Variants in RALYL observed in about 807,000 individuals in gnomAD.
RALYL encodes RALY RNA binding protein like.
A neutral mutation model predicts 35.1 loss-of-function variants in RALYL; 29 were observed. The ratio of observed to expected loss-of-function variants is 0.83; its 90% CI spans 0.61 to 1.13. The LOEUF (loss-of-function observed/expected upper bound fraction) is 1.13, where lower values mean the gene tolerates loss of function less well. RALYL is among the 50% of genes most tolerant of loss of function. The probability of loss-of-function intolerance (pLI) is 0.00; values close to 1 mark genes in which losing one functional copy is unlikely to be tolerated. For synonymous variants in RALYL, 120 were observed against 127.6 expected (o/e 0.94, Z 0.40); for missense variants, 359 against 360.4 (o/e 1.00, Z 0.03).
At chr8:84,412,071 G>T (rs2044160918) in intron 1 of RALYL, among the ~76,000 whole-genome samples, 1 of 151,838 alleles carries the variant, frequency 6.6e-6, no homozygotes, top group Admixed American at 6.6e-5. Flanking sequence ...TTTTCACTGT[G>T]TCTAAAATTC....
chr8:84,507,516 A>T (rs895413710), intron 1 of RALYL, among the ~76,000 whole-genome samples: 28 of 152,270 alleles, frequency 1.8e-4, no homozygotes, highest in African/African-American at 6.5e-4. Context: ...TTAGGAGGAA[A>T]TAAAAAGGTC....
chr8:84,709,326 C>T (rs1841760493), intron 2 of RALYL, among the ~76,000 whole-genome samples: 1 of 151,952 alleles, frequency 6.6e-6, no homozygotes, highest in African/African-American at 2.4e-5. Flanking sequence ...GCTTCAGATC[C>T]TTGGGTGCCC....
chr8:84,879,003 A>G (rs913960475), intron 7 of RALYL, among the ~76,000 whole-genome samples: 2 of 125,030 alleles, frequency 1.6e-5, no homozygotes, highest in Non-Finnish European at 3.1e-5. Flanking sequence ...GAAAAGTACT[A>G]AAAAGAGTAC....
chr8:84,522,484 C>T (rs1001373863), intron 1 of RALYL, among the ~76,000 whole-genome samples: 1 of 151,888 alleles, frequency 6.6e-6, no homozygotes, highest in African/African-American at 2.4e-5. Context: ...CTCCTGACCT[C>T]GTGATCCGCC....
In RALYL at chr8:84,440,232, C is replaced by T. The variant is rs180725036; in HGVS notation, c.-23-89067C>T. On this transcript the variant is annotated intron_variant, in intron 1 of 8. Transcript: ENST00000521268. ...TGATATTTATTTTCATAACTTTATG[C>T]AAATATTTTCTTTAAGTACTAAAAA... Among the ~76,000 whole-genome samples, 404 of 152,136 alleles carry T rather than the reference C, an allele frequency of 2.7e-3. 1 individual carries two copies. Among genetic ancestry groups the T allele is most frequent in the African/African-American group, 9.4e-3 (392 of 41,540 alleles).
intron 2 of RALYL, among the ~76,000 whole-genome samples, chr8:84,636,939 T>G (rs1385945374): frequency 1.3e-5 from 2 of 151,914 alleles, no homozygotes; most frequent in Non-Finnish European, 2.9e-5. Flanking sequence ...AATAGCTGTT[T>G]ATGTTGATGT....
At chr8:84,261,610 G>A (rs1389881474) in intron 1 of RALYL, among the ~76,000 whole-genome samples, 1 of 152,006 alleles carries the variant, frequency 6.6e-6, no homozygotes, top group African/African-American at 2.4e-5. Flanking sequence ...CATGAGAATG[G>A]ACTGATATAA....
chr8:84,786,319 T>C (rs1819445399), intron 3 of RALYL, among the ~76,000 whole-genome samples: 1 of 152,198 alleles, frequency 6.6e-6, no homozygotes, highest in Admixed American at 6.5e-5. Flanking sequence ...AATAGAACGA[T>C]TTCTATTCCT....
At chr8:84,554,659 T>C (rs1428357830) in intron 2 of RALYL, among the ~76,000 whole-genome samples, 1 of 152,174 alleles carries the variant, frequency 6.6e-6, no homozygotes, top group Non-Finnish European at 1.5e-5. Context: ...CTCAGAAGAA[T>C]CCTTTTAGCC....
intron 2 of RALYL, among the ~76,000 whole-genome samples, chr8:84,737,930 T>A (rs146539511): frequency 4.7e-4 from 72 of 152,096 alleles, no homozygotes; most frequent in African/African-American, 1.7e-3. Flanking sequence ...AAGAAATAAA[T>A]TTCTGTTGTT....
chr8:84,201,171 C>G (rs758278310), intron 1 of RALYL, among the ~76,000 whole-genome samples: 8 of 152,098 alleles, frequency 5.3e-5, no homozygotes, highest in Non-Finnish European at 1.0e-4. Flanking sequence ...TGAGTGAAGT[C>G]AAATCAGCTT....
intron 2 of RALYL, among the ~76,000 whole-genome samples, chr8:84,590,691 C>G (rs965327784): frequency 6.6e-6 from 1 of 152,160 alleles, no homozygotes; most frequent in African/African-American, 2.4e-5. Context: ...ATGGAATTGA[C>G]TGCTTTGTAA....
chr8:84,222,737 T>C (rs1354025398), intron 1 of RALYL, among the ~76,000 whole-genome samples: 1 of 152,056 alleles, frequency 6.6e-6, no homozygotes, highest in Non-Finnish European at 1.5e-5. Context: ...ACCTTAAGGA[T>C]TTGTGTACCA....
At chr8:84,209,405 C>T (rs1023292597) in intron 1 of RALYL, among the ~76,000 whole-genome samples, 2 of 152,146 alleles carry the variant, frequency 1.3e-5, no homozygotes, top group Admixed American at 6.6e-5. Context: ...TATCTAGACT[C>T]AGATACTAGC....
In RALYL at chr8:84,913,032, A is replaced by ATGGATAGG. The variant is rs567355226; in HGVS notation, c.859-7861_859-7860insGGATAGGT. On this transcript the variant is annotated intron_variant, in intron 8 of 8. Coordinates refer to ENST00000521268, the MANE Select transcript of RALYL (RefSeq NM_173848.7). Reference sequence around the variant, plus strand: ...GATGGATGGATGGATGGATGGATGGATAGGTAGGTAGATAGATAGATAGAT... The same window carrying ATGGATAGG: ...GATGGATGGATGGATGGATGGATGGATGGATAGGTAGGTAGGTAGATAGATAGATAGAT... Among the ~76,000 whole-genome samples the ATGGATAGG allele has an allele frequency of 2.1e-3, 224 of 109,074 alleles. 2 individuals carry two copies. The highest frequency in any genetic ancestry group is 3.3e-3 in the African/African-American group (91 of 27,700). The allele number at this position is 109,074 out of a possible 152,430, so 71.6% of individuals were successfully genotyped here.
At chr8:84,447,659 C>G (rs560738748) in intron 1 of RALYL, among the ~76,000 whole-genome samples, 1 of 152,174 alleles carries the variant, frequency 6.6e-6, no homozygotes, top group African/African-American at 2.4e-5. Context: ...GTATTCATTA[C>G]ATTCTCGTTG....
At chr8:84,881,106 C>A (rs1842108973) in intron 7 of RALYL, among the ~76,000 whole-genome samples, 1 of 151,782 alleles carries the variant, frequency 6.6e-6, no homozygotes, top group Non-Finnish European at 1.5e-5. Flanking sequence ...TTCATGTGAA[C>A]AACTTTGAAG....
chr8:84,288,375 C>T (rs1018339219), intron 1 of RALYL, among the ~76,000 whole-genome samples: 2 of 152,250 alleles, frequency 1.3e-5, no homozygotes, highest in Middle Eastern at 3.4e-3. Context: ...AAATATCTGT[C>T]ATGTCATCAT....
At chr8:84,274,484 T>A (rs974092981) in intron 1 of RALYL, among the ~76,000 whole-genome samples, 24 of 152,142 alleles carry the variant, frequency 1.6e-4, no homozygotes, top group African/African-American at 5.8e-4. Context: ...GTAATGTACC[T>A]AAGAAGAAAG....
Sources: allele counts gnomAD v4.1 joint callset (sites outside exome capture counted in the v4.1 genomes callset), GRCh38; gene constraint gnomAD v4.1.1; transcripts MANE v1.5; gene names NCBI Gene and HGNC (gene_info 2026-07-23, HGNC 2026-07-21).